HEPHL1: variants seen among roughly 807,000 people sequenced by gnomAD.
The protein encoded by HEPHL1 is hephaestin like 1, also known as ferroxidase HEPHL1.
A neutral mutation model predicts 122.0 loss-of-function variants in HEPHL1; 123 were observed. The observed-to-expected ratio is 1.01, with a 90% CI of 0.87 to 1.17. HEPHL1 has a LOEUF of 1.17. Among genes scored for constraint, HEPHL1 ranks in the 50% most tolerant of loss-of-function variants. HEPHL1 has a pLI of 0.00. For synonymous variants in HEPHL1, 527 were observed against 508.9 expected (o/e 1.04, Z -0.48); for missense variants, 1,452 against 1,430.5 (o/e 1.01, Z -0.24).
chr11:94,090,834 A>C (rs778039023), intron 12 of HEPHL1, among the ~76,000 whole-genome samples: 1 of 152,062 alleles, frequency 6.6e-6, no homozygotes, highest in Non-Finnish European at 1.5e-5. Flanking sequence ...TGAGACATTT[A>C]TTATCCTGGT....
intron 17 of HEPHL1, among the ~76,000 whole-genome samples, chr11:94,108,961 C>T (rs1946428440): frequency 1.3e-5 from 2 of 152,062 alleles, no homozygotes; most frequent in Admixed American, 6.5e-5. Flanking sequence ...TTGGACAGAA[C>T]TGACATAACA....
At chr11:94,046,101 T>TTTTTTTC (rs1555059426) in intron 2 of HEPHL1, among the ~76,000 whole-genome samples, 184 bp downstream of exon 2, 1 of 122,856 alleles carries the variant, frequency 8.1e-6, no homozygotes, top group Non-Finnish European at 1.7e-5. Context: ...CTTTTTTTTT[T>TTTTTTTC]TTTTTTTTTT....
intron 2 of HEPHL1, among the ~76,000 whole-genome samples, chr11:94,056,677 C>CT (rs1945939739): frequency 6.6e-6 from 1 of 151,852 alleles, no homozygotes; most frequent in Non-Finnish European, 1.5e-5. Flanking sequence ...ATCTATCTAT[C>CT]TATCTATCTA....
At chr11:94,109,895 G>T (rs971980331) in intron 17 of HEPHL1, among the ~76,000 whole-genome samples, 1 of 152,098 alleles carries the variant, frequency 6.6e-6, no homozygotes, top group African/African-American at 2.4e-5. Context: ...AGAACAGTTT[G>T]TTTACAATTG....
intron 9 of HEPHL1, 74 bp from the exon 10 acceptor site, chr11:94,082,344 A>C: frequency 8.7e-7 from 1 of 1,142,984 alleles, no homozygotes; most frequent in Non-Finnish European, 1.2e-6. Flanking sequence ...TTTTGTGTGA[A>C]CTTTGAAGGA....
At chr11:94,042,875 T>TAAAAAAAATAAAA (rs1555058719) in intron 1 of HEPHL1, among the ~76,000 whole-genome samples, 1 of 63,168 alleles carries the variant, frequency 1.6e-5, no homozygotes, top group Non-Finnish European at 2.9e-5. Context: ...TAAAGTATAA[T>TAAAAAAAATAAAA]AAAAAAAAAA....
intron 13 of HEPHL1, among the ~76,000 whole-genome samples, chr11:94,094,454 A>T (rs1396396826): frequency 5.3e-5 from 8 of 152,206 alleles, no homozygotes; most frequent in African/African-American, 1.9e-4. Context: ...TGCCACAATA[A>T]ACATACATGT....
At chr11:94,093,971 G>GATAGATATATATATATATAT (rs71036310) in intron 13 of HEPHL1, among the ~76,000 whole-genome samples, 11 of 72,764 alleles carry the variant, frequency 1.5e-4, no homozygotes, top group African/African-American at 2.0e-4. Context: ...TCCTCCAGCA[G>GATAGATATATATATATATAT]ATATATATAT....
At chr11:94,097,077 C>T (rs925339803) in intron 13 of HEPHL1, among the ~76,000 whole-genome samples, 3 of 152,116 alleles carry the variant, frequency 2.0e-5, no homozygotes, top group Admixed American at 2.0e-4. Flanking sequence ...AATGTGTTTG[C>T]TCTTGCTTAT....
intron 1 of HEPHL1, among the ~76,000 whole-genome samples, chr11:94,042,893 A>AAAAAAAAAAAAAAAG (rs1945799383): frequency 6.7e-6 from 1 of 149,562 alleles, no homozygotes; most frequent in Non-Finnish European, 1.5e-5. Context: ...AAAAAAAAAA[A>AAAAAAAAAAAAAAAG]CTGCATGAAT....
intron 1 of HEPHL1, among the ~76,000 whole-genome samples, chr11:94,024,885 C>T (rs1945611285): frequency 6.6e-6 from 1 of 152,124 alleles, no homozygotes; most frequent in African/African-American, 2.4e-5. Flanking sequence ...ATGGAGGATC[C>T]AGTACAGGGC....
chr11:94,057,143 C>A (rs544585711), intron 2 of HEPHL1, among the ~76,000 whole-genome samples: 3 of 152,060 alleles, frequency 2.0e-5, no homozygotes, highest in South Asian at 2.1e-4. Flanking sequence ...CTCCCTTGTA[C>A]GTGATAGGTC....
intron 9 of HEPHL1, among the ~76,000 whole-genome samples, chr11:94,079,504 G>A (rs1422336563): frequency 1.3e-5 from 2 of 152,188 alleles, no homozygotes; most frequent in Non-Finnish European, 1.5e-5. Context: ...GTAGGCGCAA[G>A]GAGTACTCAC....
intron 17 of HEPHL1, among the ~76,000 whole-genome samples, chr11:94,107,206 A>G (rs757184281): frequency 1.4e-4 from 21 of 152,340 alleles, no homozygotes; most frequent in Middle Eastern, 3.4e-3. Context: ...CTTTAATAAA[A>G]CATTTAATAT....
chr11:94,031,331 T>TACAC (rs3058474), intron 1 of HEPHL1, among the ~76,000 whole-genome samples: 5,373 of 144,554 alleles, frequency 0.037, 127 homozygotes, highest in South Asian at 0.055. Context: ...TGTGCATTGT[T>TACAC]ACACACACAC....
chr11:94,060,303 T>C (rs112193752), intron 2 of HEPHL1, among the ~76,000 whole-genome samples: 105 of 151,754 alleles, frequency 6.9e-4, no homozygotes, highest in African/African-American at 2.4e-3. Flanking sequence ...TATGTGTGTG[T>C]ATATGTATAC....
At chr11:94,079,930 A>C (rs1291569098) in intron 9 of HEPHL1, among the ~76,000 whole-genome samples, 1 of 152,166 alleles carries the variant, frequency 6.6e-6, no homozygotes, top group Non-Finnish European at 1.5e-5. Context: ...TTCTTCACAG[A>C]ATTAGAAACA....
chr11:94,075,485 T>C (rs1946114545), intron 9 of HEPHL1, 100 bp downstream of exon 9: 2 of 807,518 alleles, frequency 2.5e-6, no homozygotes, highest in Non-Finnish European at 4.1e-6. Context: ...AAAAAGCAAT[T>C]TGTCTTTCTT....
intron 18 of HEPHL1, 28 bp downstream of exon 18, chr11:94,111,093 T>C: frequency 6.5e-7 from 1 of 1,536,448 alleles, no homozygotes; most frequent in Non-Finnish European, 8.8e-7. Context: ...TGATGCCAGA[T>C]GATGGCACCG....
Sources: gnomAD v4.1 joint callset for allele counts (sites outside exome capture counted in the v4.1 genomes callset) on GRCh38, gnomAD v4.1.1 for gene constraint, MANE v1.5 for transcripts, NCBI Gene and HGNC (gene_info 2026-07-23, HGNC 2026-07-21) for gene names.